The following RGS12 variants were observed in gnomAD, a reference collection of about 807,000 sequenced individuals.
RGS12 encodes the protein regulator of G protein signaling 12, also known as regulator of G-protein signaling 12.
In RGS12, 66 loss-of-function variants were observed where a neutral mutation model predicts 120.1. The ratio of observed to expected loss-of-function variants is 0.55; its 90% CI spans 0.45 to 0.67. The LOEUF is 0.67. RGS12 is among the 30% of genes least tolerant of loss of function. The pLI, the probability that RGS12 is intolerant of heterozygous loss-of-function variation, is 0.00. For missense variants in RGS12, 1,859 were observed against 1,957.7 expected (o/e 0.95, Z 0.95); for synonymous variants, 827 against 804.7 (o/e 1.03, Z -0.47).
Position 3,439,904 on chromosome 4 carries a change from G to C in RGS12, c.*220G>C. 2.0e-6 allele frequency: 1 copy of C among 503,406 alleles called. No homozygotes were observed. The highest frequency in any genetic ancestry group is 3.4e-6 in the Non-Finnish European group (1 of 291,278). The allele number at this position is 503,406 out of a possible 1,614,324, so 31.2% of individuals were successfully genotyped here. On this transcript the variant is annotated 3_prime_UTR_variant, in exon 18 of 18. Coordinates refer to ENST00000336727, the MANE Select transcript of RGS12 (RefSeq NM_001394154.1). ...TCCTGCTGCCCAATAAAGCATTTCT[G>C]AGGACCCAAGCGTCGGCCTGGTGCT...
At chr4:3,416,808 C>G in intron 7 of RGS12, 105 bp from the exon 8 acceptor site, 1 of 1,015,278 alleles carries the variant, frequency 9.8e-7, no homozygotes, top group Non-Finnish European at 1.5e-6. Flanking sequence ...GATGTCCTTT[C>G]AGGACAGGGC....
chr4:3,351,730 A>T (rs767303286), intron 3 of RGS12, among the ~76,000 whole-genome samples: 7 of 152,130 alleles, frequency 4.6e-5, no homozygotes, highest in Non-Finnish European at 1.0e-4. Flanking sequence ...GTTTTTCCTG[A>T]TGTAGTTTGC....
intron 1 of RGS12, chr4:3,312,651 C>T (rs1724479819): frequency 4.3e-6 from 1 of 231,262 alleles, no homozygotes; most frequent in South Asian, 7.8e-5. Flanking sequence ...CGGGGTCTTA[C>T]CTGGCCAGGA....
intron 2 of RGS12, chr4:3,342,654 C>T (rs970017589): frequency 1.8e-5 from 21 of 1,151,388 alleles, no homozygotes; most frequent in Middle Eastern, 2.1e-4. Flanking sequence ...GGTGGGCTGC[C>T]GTCATCCTGT....
At chr4:3,371,230 G>A (rs547722345) in intron 3 of RGS12, among the ~76,000 whole-genome samples, 2 of 152,214 alleles carry the variant, frequency 1.3e-5, no homozygotes, top group Non-Finnish European at 2.9e-5. Flanking sequence ...AGGTGAAGCT[G>A]CGTGAGGCTC....
At chr4:3,427,892 C>T (rs756610053) in intron 14 of RGS12, among the ~76,000 whole-genome samples, 198 bp from the exon 15 acceptor site, 1 of 152,184 alleles carries the variant, frequency 6.6e-6, no homozygotes, top group African/African-American at 2.4e-5. Context: ...GTACGGAGCC[C>T]GGCTGTGTGC....
At chr4:3,318,196 C>T (rs1038032280) in intron 2 of RGS12, 145 bp downstream of exon 2, 7 of 705,528 alleles carry the variant, frequency 9.9e-6, no homozygotes, top group East Asian at 8.2e-5. Context: ...AGGGTGTCTG[C>T]GTTGCCTGTG....
At chr4:3,431,989 C>A in intron 17 of RGS12, 1 of 985,430 alleles carries the variant, frequency 1.0e-6, no homozygotes. Flanking sequence ...CTACCTGGTC[C>A]CTTTCACAGC....
chr4:3,328,574 T>C (rs1725723062), intron 2 of RGS12, among the ~76,000 whole-genome samples: 1 of 152,086 alleles, frequency 6.6e-6, no homozygotes, highest in Admixed American at 6.5e-5. Context: ...TTTCTCTTTT[T>C]AAAAAATAAA....
Position 3,433,951 on chromosome 4 carries a change from CAG to C in RGS12, c.4114+2999_4114+3000del. 6.6e-6 allele frequency among the ~76,000 whole-genome samples: 1 copy of C among 152,346 alleles called. No individual in the cohort carries two copies. The highest frequency in any genetic ancestry group is 1.9e-4 in the East Asian group (1 of 5,182). On this transcript the variant is annotated intron_variant, in intron 17 of 17. Coordinates refer to ENST00000336727, the MANE Select transcript of RGS12 (RefSeq NM_001394154.1). The surrounding 1 kb of genome is among the most constrained non-coding windows in gnomAD (Gnocchi z 4.4). ...AGCCTTAGCTGTCTGACACACACAA[CAG>C]AGGCCTCAAGCGGGAGAAGTGTCAG... is the stretch of plus-strand genomic sequence containing the variant.
intron 3 of RGS12, among the ~76,000 whole-genome samples, chr4:3,357,223 G>A (rs1488117370): frequency 1.3e-5 from 2 of 151,960 alleles, no homozygotes; most frequent in Non-Finnish European, 2.9e-5. Flanking sequence ...TTTTTAATTG[G>A]ATTGTTTGTT....
intron 3 of RGS12, among the ~76,000 whole-genome samples, chr4:3,367,960 C>G (rs1716502637): frequency 6.6e-6 from 1 of 152,258 alleles, no homozygotes. Context: ...GTGTTTCTTC[C>G]TTTCCGTCCT....
chr4:3,424,238 G>A (rs998792075), intron 13 of RGS12, among the ~76,000 whole-genome samples: 1 of 152,282 alleles, frequency 6.6e-6, no homozygotes, highest in South Asian at 2.1e-4. Context: ...GGGGTTCCGG[G>A]CACAGTGTCT....
Position 3,316,811 on chromosome 4 carries a change from A to G in RGS12, c.641A>G (p.Glu214Gly). 6.2e-7 allele frequency: 1 copy of G among 1,614,206 alleles called. No homozygotes were observed. The highest frequency in any genetic ancestry group is 2.2e-5 in the East Asian group (1 of 44,884). The change falls in exon 2 of 18, where the codon GAA becomes GGA. Residue 214 changes from glutamate to glycine, a missense_variant. Physicochemically the swap from Glu to Gly is moderately conservative, Grantham distance 98. Around this residue, in one of 3 missense-constraint regions of RGS12, gnomAD observed 967 missense variants for 994.2 expected, o/e 0.97. Coordinates refer to ENST00000336727, the MANE Select transcript of RGS12 (RefSeq NM_001394154.1). Reference protein sequence around the residue: ...HDDSVFSIGLESHDDFALDAS... With the variant: ...HDDSVFSIGLGSHDDFALDAS... ...GATTCGGTTTTCAGCATTGGACTAG[A>G]AAGTCATGACGATTTTGCATTGGAT...
At chr4:3,438,833 G>A (rs1560187355) in intron 17 of RGS12, among the ~76,000 whole-genome samples, 1 of 152,174 alleles carries the variant, frequency 6.6e-6, no homozygotes, top group Non-Finnish European at 1.5e-5. Flanking sequence ...GGAAAGAGGG[G>A]CCTCAGTAGG....
At chr4:3,303,271 G>A (rs919459119) in intron 1 of RGS12, among the ~76,000 whole-genome samples, 4 of 152,144 alleles carry the variant, frequency 2.6e-5, no homozygotes, top group South Asian at 2.1e-4. Flanking sequence ...GGGGTACAGC[G>A]GGGAGTCCAG....
At position 3,319,204 on chromosome 4, in the gene RGS12, C is replaced by T. The variant is rs546123504; in HGVS notation, c.1881+1153C>T. Among the ~76,000 whole-genome samples the T allele has an allele frequency of 4.2e-4, 64 of 152,228 alleles. 2 individuals are homozygous for T. The South Asian group carries it at 7.5e-3, about 18-fold the overall frequency. The stretch of plus-strand genomic sequence containing the variant: ...GCTTTGGAGGCTGAGGCAGGAAGCT[C>T]GCTTGAGCCCAGGAGTTCAAGACTG... On this transcript the variant is annotated intron_variant, in intron 2 of 17. Transcript: ENST00000336727.
At chr4:3,415,119 C>T (rs1261091520) in intron 6 of RGS12, among the ~76,000 whole-genome samples, 2 of 97,862 alleles carry the variant, frequency 2.0e-5, no homozygotes, top group Non-Finnish European at 4.1e-5. Context: ...TGTGAGAGGG[C>T]CGCGTGTGTG....
intron 13 of RGS12, among the ~76,000 whole-genome samples, chr4:3,424,100 C>T (rs1261185699): frequency 6.6e-6 from 1 of 152,246 alleles, no homozygotes; most frequent in Non-Finnish European, 1.5e-5. Flanking sequence ...CTGGCATTTC[C>T]AGGCTGCGCC....
Sources: gnomAD v4.1 joint callset for allele counts (sites outside exome capture counted in the v4.1 genomes callset) on GRCh38, gnomAD v4.1.1 for gene constraint, gnomAD v4.1.1 regional missense constraint, Gnocchi (gnomAD v3.1) non-coding constraint, MANE v1.5 for transcripts, NCBI Gene and HGNC (gene_info 2026-07-23, HGNC 2026-07-21) for gene names.